The following GNG12 variants were observed in gnomAD, a reference collection of about 807,000 sequenced individuals.
The protein encoded by GNG12 is G protein subunit gamma 12.
For synonymous variants in GNG12, 28 were observed against 29.7 expected (o/e 0.94, Z 0.19); for missense variants, 69 against 83.8 (o/e 0.82, Z 0.69).
chr1:67,808,416 C>A (rs1434098327), intron 1 of GNG12, among the ~76,000 whole-genome samples: 1 of 152,102 alleles, frequency 6.6e-6, no homozygotes, highest in Non-Finnish European at 1.5e-5. Context: ...TCCCTCTCAT[C>A]ACTGCTTTTC....
At chr1:67,709,924 T>TTATATAGTTA (rs1646274694) in intron 2 of GNG12, among the ~76,000 whole-genome samples, 5 of 41,370 alleles carry the variant, frequency 1.2e-4, no homozygotes, top group African/African-American at 4.4e-4. Context: ...ATATATATAG[T>TTATATAGTTA]TATATATATA....
chr1:67,708,927 ACAAAGCTG>A (rs1570473274), intron 2 of GNG12, among the ~76,000 whole-genome samples: 1 of 152,246 alleles, frequency 6.6e-6, no homozygotes, highest in East Asian at 1.9e-4. Context: ...CCGAGACCAG[ACAAAGCTG>A]CAAAAAAACA....
At chr1:67,771,090 T>C (rs1646672020) in intron 2 of GNG12, among the ~76,000 whole-genome samples, 1 of 151,960 alleles carries the variant, frequency 6.6e-6, no homozygotes, top group Non-Finnish European at 1.5e-5. Flanking sequence ...ACCAGAAAAG[T>C]CATGGGCCTG....
At chr1:67,793,517 C>G (rs1646812925) in intron 1 of GNG12, among the ~76,000 whole-genome samples, 1 of 151,788 alleles carries the variant, frequency 6.6e-6, no homozygotes, top group African/African-American at 2.4e-5. Context: ...TTTGGTCATT[C>G]AAGTCAAGCA....
chr1:67,707,657 ATTG>A lies in GNG12; in HGVS notation c.27_29del (p.Asn10del). The A allele has an allele frequency of 6.2e-7, 1 of 1,607,654 alleles. No homozygotes were observed. Among genetic ancestry groups the A allele is most frequent in the East Asian group, 2.2e-5 (1 of 44,718 alleles). On this transcript the variant is annotated inframe_deletion, in exon 3 of 4. Coordinates refer to ENST00000370982, the MANE Select transcript of GNG12 (RefSeq NM_018841.6). ...GCACAGTTCTCCTTGCCTGGGCTAT[ATTG>A]TTGGTGCTTGCTGTTTTGCTGGACA...
rs34077158 is a variant in GNG12, at chr1:67,832,609, T to TAA, written c.-77+733_-77+734dup. On this transcript the variant is annotated intron_variant, in intron 1 of 3. Coordinates refer to ENST00000370982, the MANE Select transcript of GNG12 (RefSeq NM_018841.6). ...ACGGGATAACTGTCGGGGCAATAAT[T>TAA]AAAAAAAAAAAAATCACCCAAGACT... 1.1e-3 allele frequency among the ~76,000 whole-genome samples: 154 copies of TAA among 145,710 alleles called. No individual in the cohort carries two copies. The South Asian group carries it at 0.014, about 13-fold the overall frequency.
chr1:67,821,855 C>A (rs1028951273), intron 1 of GNG12, among the ~76,000 whole-genome samples: 3 of 151,402 alleles, frequency 2.0e-5, no homozygotes, highest in African/African-American at 7.3e-5. Context: ...TCAATGACAT[C>A]TGAAATCTGT....
chr1:67,713,942 G>C (rs993585928), intron 2 of GNG12, among the ~76,000 whole-genome samples: 2 of 152,218 alleles, frequency 1.3e-5, no homozygotes, highest in Non-Finnish European at 2.9e-5. Context: ...ATGTGACCAG[G>C]TAGCAACAGC....
chr1:67,833,441 T>G lies in GNG12; in HGVS notation c.-174A>C. 1 of 984,918 alleles carries G rather than the reference T, an allele frequency of 1.0e-6. No individual in the cohort carries two copies. Among genetic ancestry groups the G allele is most frequent in the Non-Finnish European group, 1.2e-6 (1 of 829,994 alleles). The allele number at this position is 984,918 out of a possible 1,614,324, so 61.0% of individuals were successfully genotyped here. ...CCTCTCCTCCTCCTCCTCCTCTTGC[T>G]CCTCCGGGCGCCGGCTCCGCCTCGC... On this transcript the variant is annotated 5_prime_UTR_variant, in exon 1 of 4. Transcript: ENST00000370982.
intron 2 of GNG12, among the ~76,000 whole-genome samples, chr1:67,766,182 T>C (rs1646638183): frequency 6.7e-6 from 1 of 148,722 alleles, no homozygotes; most frequent in Admixed American, 6.7e-5. Context: ...CAAGCCCCTT[T>C]CAAAGTCCCA....
intron 2 of GNG12, among the ~76,000 whole-genome samples, chr1:67,755,098 G>A (rs1646560390): frequency 6.6e-6 from 1 of 152,220 alleles, no homozygotes; most frequent in African/African-American, 2.4e-5. Context: ...TTCTTTATCT[G>A]TCCGCCTTGG....
chr1:67,746,246 CT>C (rs1229445857), intron 2 of GNG12, among the ~76,000 whole-genome samples: 1 of 152,164 alleles, frequency 6.6e-6, no homozygotes, highest in Non-Finnish European at 1.5e-5. Context: ...CCAGAGCCTT[CT>C]TTTTTAATTG....
chr1:67,745,171 T>A (rs531279483), intron 2 of GNG12, among the ~76,000 whole-genome samples: 11 of 152,344 alleles, frequency 7.2e-5, no homozygotes, highest in African/African-American at 2.2e-4. Flanking sequence ...GTATGGGTAC[T>A]TATACACAGA....
intron 2 of GNG12, among the ~76,000 whole-genome samples, chr1:67,708,618 C>T (rs1198557857): frequency 2.6e-5 from 4 of 152,110 alleles, no homozygotes; most frequent in Admixed American, 6.6e-5. Flanking sequence ...AACTGGTTGT[C>T]CAATAGCACA....
intron 2 of GNG12, among the ~76,000 whole-genome samples, chr1:67,760,078 G>A (rs760319199): frequency 6.6e-6 from 1 of 152,200 alleles, no homozygotes; most frequent in Non-Finnish European, 1.5e-5. Flanking sequence ...AATACCAGAA[G>A]TAGCCCTCAT....
chr1:67,705,251 T>G lies in GNG12; in HGVS notation c.*200A>C. ...AGTTACCAAGTGGAAAATAAGATTG[T>G]TATTCTGTATTAAATCAGTAAAGGG... On this transcript the variant is annotated 3_prime_UTR_variant, in exon 4 of 4. Transcript: ENST00000370982. The G allele has an allele frequency of 3.0e-6, 2 of 655,874 alleles. No homozygotes were observed. The highest frequency in any genetic ancestry group is 4.4e-6 in the Non-Finnish European group (2 of 451,952). 40.6% of individuals were successfully genotyped at this position (655,874 alleles called of 1,614,324 possible). A position where few individuals can be genotyped will look rare whatever the true frequency, so the allele number is the denominator to read the frequency against.
chr1:67,705,704 T>A, intron 3 of GNG12, 128 bp from the exon 4 acceptor site: 1 of 1,385,686 alleles, frequency 7.2e-7, no homozygotes. Flanking sequence ...TCTCAAAGCA[T>A]CACTCTCAGA....
chr1:67,721,682 G>C (rs1646357117), intron 2 of GNG12, among the ~76,000 whole-genome samples: 1 of 152,164 alleles, frequency 6.6e-6, no homozygotes, highest in Non-Finnish European at 1.5e-5. Flanking sequence ...ATCTTAAGAA[G>C]GTTATTCCTG....
chr1:67,731,790 C>T (rs140775848), intron 2 of GNG12, among the ~76,000 whole-genome samples: 5 of 152,340 alleles, frequency 3.3e-5, no homozygotes, highest in Non-Finnish European at 7.3e-5. Flanking sequence ...TCTCTTCCTC[C>T]TTCGAGGGTG....
Sources: allele counts gnomAD v4.1 joint callset (sites outside exome capture counted in the v4.1 genomes callset), GRCh38; gene constraint gnomAD v4.1.1; transcripts MANE v1.5; gene names NCBI Gene and HGNC (gene_info 2026-07-23, HGNC 2026-07-21).